The following PACRG variants were observed in gnomAD, a reference collection of about 807,000 sequenced individuals.
PACRG encodes parkin coregulated gene protein.
In PACRG, 29 loss-of-function variants were observed where a neutral mutation model predicts 29.7. The ratio of observed to expected loss-of-function variants is 0.98; its 90% CI spans 0.73 to 1.33. PACRG has a LOEUF of 1.33. Ranked by LOEUF, PACRG falls within the 40% of genes most tolerant of loss-of-function variation. PACRG has a pLI of 0.00. For missense variants in PACRG, 279 were observed against 316.2 expected, an observed-to-expected ratio of 0.88 and a Z score of 0.89; for synonymous variants, 116 against 118.7, an observed-to-expected ratio of 0.98 and a Z score of 0.15.
In PACRG at chr6:163,171,438, G is replaced by A. The variant is rs1562948736; in HGVS notation, c.613+82030G>A. ...TTGTATATCTTTGCCCCTCCGTGAG[G>A]CAGGTATGACTGTTCTGCCCATTTT... is the stretch of plus-strand genomic sequence containing the variant. On this transcript the variant is annotated intron_variant, in intron 4 of 4. Coordinates refer to ENST00000366888, the MANE Select transcript of PACRG (RefSeq NM_001080379.2). Among the ~76,000 whole-genome samples the A allele has an allele frequency of 2.0e-5, 3 of 152,154 alleles. No individual in the cohort carries two copies. The South Asian group carries it at 6.2e-4, about 32-fold the overall frequency.
intron 4 of PACRG, among the ~76,000 whole-genome samples, chr6:163,207,150 A>G (rs1780937588): frequency 6.6e-6 from 1 of 152,242 alleles, no homozygotes; most frequent in Non-Finnish European, 1.5e-5. Context: ...TTTCAGTCGC[A>G]GAACACACAT....
chr6:162,907,524 C>T (rs1277339749), intron 2 of PACRG, among the ~76,000 whole-genome samples: 4 of 151,944 alleles, frequency 2.6e-5, no homozygotes, highest in Non-Finnish European at 1.5e-5. Flanking sequence ...AGATTTTAGT[C>T]CTCAGCAGGC....
chr6:163,191,408 G>A (rs537730063), intron 4 of PACRG, among the ~76,000 whole-genome samples: 4 of 152,088 alleles, frequency 2.6e-5, no homozygotes, highest in South Asian at 4.2e-4. Context: ...TTTATGGCGA[G>A]TGGCCCCCCA....
intron 2 of PACRG, among the ~76,000 whole-genome samples, chr6:162,887,115 G>A (rs1214639125): frequency 6.6e-6 from 1 of 152,142 alleles, no homozygotes; most frequent in Non-Finnish European, 1.5e-5. Context: ...CACCATGTCT[G>A]TCTTGACCAT....
chr6:163,305,755 A>G (rs1050144363), intron 4 of PACRG, among the ~76,000 whole-genome samples: 3 of 152,196 alleles, frequency 2.0e-5, no homozygotes, highest in African/African-American at 7.2e-5. Context: ...AGATAGTGTA[A>G]TAGTCTATGT....
chr6:162,865,787 A>G (rs2128447042), intron 2 of PACRG, among the ~76,000 whole-genome samples: 1 of 152,196 alleles, frequency 6.6e-6, no homozygotes, highest in East Asian at 1.9e-4. Context: ...TTAATTTACT[A>G]GATTTTTTTT....
chr6:163,249,204 C>A (rs1782811156), intron 4 of PACRG, among the ~76,000 whole-genome samples: 1 of 152,168 alleles, frequency 6.6e-6, no homozygotes, highest in South Asian at 2.1e-4. Context: ...GTCTCTGGGT[C>A]AATATTATGT....
At chr6:163,119,741 AGT>A (rs1405037399) in intron 4 of PACRG, among the ~76,000 whole-genome samples, 1 of 152,218 alleles carries the variant, frequency 6.6e-6, no homozygotes, top group Non-Finnish European at 1.5e-5. Flanking sequence ...ACATCTTAAT[AGT>A]GAGAATAGGA....
chr6:163,033,366 A>T (rs1314827891), intron 2 of PACRG, among the ~76,000 whole-genome samples: 1 of 152,236 alleles, frequency 6.6e-6, no homozygotes, highest in Non-Finnish European at 1.5e-5. Context: ...AATGCTCCAA[A>T]ATAAATGGAA....
chr6:162,744,267 G>T (rs970646664), intron 1 of PACRG, among the ~76,000 whole-genome samples: 4 of 152,066 alleles, frequency 2.6e-5, no homozygotes, highest in African/African-American at 9.7e-5. Flanking sequence ...CAGATCATTT[G>T]TTTCAGTGGG....
chr6:162,947,311 A>ATCATATATGATATATATATCATATATG (rs370888542), intron 2 of PACRG, among the ~76,000 whole-genome samples: 3 of 90,724 alleles, frequency 3.3e-5, no homozygotes, highest in African/African-American at 1.3e-4. Flanking sequence ...TAATATATAT[A>ATCATATATGATATATATATCATATATG]ATCATATATA....
Position 163,101,921 on chromosome 6 carries a change from C to G in PACRG, c.613+12513C>G, listed in dbSNP as rs7761046. Among the ~76,000 whole-genome samples the G allele has an allele frequency of 7.1e-3, 1,075 of 152,232 alleles. 14 individuals carry two copies. The highest frequency in any genetic ancestry group is 0.025 in the African/African-American group (1,042 of 41,558). On this transcript the variant is annotated intron_variant, in intron 4 of 4. Transcript: ENST00000366888. ...TACATCCTTCACTGATTCATTTAAA[C>G]AAAACAAAACAAAAAAAGTTGAGTG... is the stretch of plus-strand genomic sequence containing the variant.
intron 4 of PACRG, among the ~76,000 whole-genome samples, chr6:163,104,887 G>A (rs767127882): frequency 2.6e-5 from 4 of 151,972 alleles, no homozygotes; most frequent in East Asian, 3.9e-4. Flanking sequence ...AGTTAAACAC[G>A]GTTGTATATT....
upstream of PACRG, chr6:162,727,662 C>G: frequency 6.3e-7 from 1 of 1,584,694 alleles, no homozygotes; most frequent in Non-Finnish European, 8.6e-7. Flanking sequence ...ACCCACGTAC[C>G]TATCATGGTC....
At position 162,939,676 on chromosome 6, in the gene PACRG, C is replaced by CGTGT. The variant is rs56193057; in HGVS notation, c.292-122451_292-122448dup. Among the ~76,000 whole-genome samples, 421 of 149,436 alleles carry CGTGT rather than the reference C, an allele frequency of 2.8e-3. 2 individuals carry two copies. The highest frequency in any genetic ancestry group is 4.7e-3 in the Non-Finnish European group (315 of 67,118). On this transcript the variant is annotated intron_variant, in intron 2 of 4. Coordinates refer to ENST00000366888, the MANE Select transcript of PACRG (RefSeq NM_001080379.2). Reference sequence around the variant, plus strand: ...TTAATTTTACATCTCCTGTATTTGACGTGTGTGTGTGTGTGTGTGTGTGTG... The same window carrying CGTGT: ...TTAATTTTACATCTCCTGTATTTGACGTGTGTGTGTGTGTGTGTGTGTGTGTGTG...
At chr6:163,243,404 G>A (rs1782576081) in intron 4 of PACRG, among the ~76,000 whole-genome samples, 2 of 152,184 alleles carry the variant, frequency 1.3e-5, no homozygotes, top group South Asian at 4.1e-4. Context: ...TTGCCCAGTG[G>A]TACCCAAGCG....
chr6:163,095,408 G>A, intron 4 of PACRG: 1 of 985,452 alleles, frequency 1.0e-6, no homozygotes, highest in Non-Finnish European at 1.2e-6. Flanking sequence ...GATGTCTAAA[G>A]AAATCAGAAT....
intron 4 of PACRG, among the ~76,000 whole-genome samples, chr6:163,264,716 G>C (rs1783463438): frequency 6.6e-6 from 1 of 152,182 alleles, no homozygotes; most frequent in African/African-American, 2.4e-5. Context: ...GGGTGAAACT[G>C]AGTTGGGGAC....
chr6:162,983,444 T>C (rs1356718383), intron 2 of PACRG, among the ~76,000 whole-genome samples: 1 of 152,028 alleles, frequency 6.6e-6, no homozygotes, highest in Non-Finnish European at 1.5e-5. Context: ...TTTTGGGGTA[T>C]TTCAAGGTTT....
Sources: allele counts gnomAD v4.1 joint callset (sites outside exome capture counted in the v4.1 genomes callset), GRCh38; gene constraint gnomAD v4.1.1; transcripts MANE v1.5; gene names NCBI Gene and HGNC (gene_info 2026-07-23, HGNC 2026-07-21).